The following LINGO2 variants were observed in gnomAD, a reference collection of about 807,000 sequenced individuals.
LINGO2 encodes the protein leucine rich repeat and Ig domain containing 2, also known as leucine-rich repeat and immunoglobulin-like domain-containing nogo receptor-interacting protein 2.
In LINGO2, 14 loss-of-function variants were observed where a neutral mutation model predicts 30.6. That is an observed-to-expected ratio of 0.46 (90% CI 0.30 to 0.72). LINGO2 has a LOEUF of 0.72. LINGO2 is among the 30% of genes least tolerant of loss of function. LINGO2 has a pLI of 0.07. For missense variants in LINGO2, 729 were observed against 751.7 expected (o/e 0.97, Z 0.35); for synonymous variants, 317 against 288.5 (o/e 1.10, Z -1.00).
chr9:27,999,189 C>A lies in LINGO2; in HGVS notation c.-36+13166G>T, dbSNP rs190245680. On this transcript the variant is annotated intron_variant, in intron 5 of 5. Transcript: ENST00000379992. ...TAAAAATGAAAAAGCAAAAAAAAAC[C>A]CAACACTGCCAACAACAACAACATA... Among the ~76,000 whole-genome samples the A allele has an allele frequency of 2.2e-4, 33 of 151,992 alleles. No homozygotes were observed. The East Asian group carries it at 4.1e-3, about 19-fold the overall frequency.
chr9:27,994,343 G>A lies in LINGO2; in HGVS notation c.-36+18012C>T, dbSNP rs569802715. Among the ~76,000 whole-genome samples the A allele has an allele frequency of 4.6e-5, 7 of 152,088 alleles. No homozygotes were observed. In the East Asian group the frequency reaches 5.8e-4, roughly 13 times the overall value. On this transcript the variant is annotated intron_variant, in intron 5 of 5. Coordinates refer to ENST00000379992, the Ensembl canonical transcript of LINGO2. ...TGAAACTAAAAAAAAGGAAAATTTCGTTTTTAAAAAAAGTTAAACAAATTG... is the reference window on the plus strand; with the variant it reads ...TGAAACTAAAAAAAAGGAAAATTTCATTTTTAAAAAAAGTTAAACAAATTG...
chr9:28,582,379 G>T (rs780762970), intron 1 of LINGO2, among the ~76,000 whole-genome samples: 7 of 152,074 alleles, frequency 4.6e-5, no homozygotes, highest in Non-Finnish European at 2.9e-5. Context: ...AATCAGGACA[G>T]TCTCACTCCA....
chr9:28,358,979 T>C (rs954187318), intron 3 of LINGO2, among the ~76,000 whole-genome samples: 2 of 152,154 alleles, frequency 1.3e-5, no homozygotes, highest in African/African-American at 4.8e-5. Flanking sequence ...CAAGGCTTGA[T>C]AATTCCAGAT....
At chr9:28,486,247 T>C (rs934269438) in intron 1 of LINGO2, among the ~76,000 whole-genome samples, 31 of 152,280 alleles carry the variant, frequency 2.0e-4, no homozygotes, top group African/African-American at 7.2e-4. Flanking sequence ...AATTATTTTC[T>C]TGATGACAAC....
chr9:29,131,374 C>A, the LINGO2 span, among the ~76,000 whole-genome samples: 3 of 152,086 alleles, frequency 2.0e-5, no homozygotes, highest in South Asian at 4.1e-4. Context: ...TTATTAAGAT[C>A]TTTAAATTTA....
At chr9:28,178,079 G>A (rs1167735189) in intron 4 of LINGO2, among the ~76,000 whole-genome samples, 9 of 151,996 alleles carry the variant, frequency 5.9e-5, no homozygotes, top group African/African-American at 2.2e-4. Context: ...GAGCTATGAA[G>A]CCTACTATCG....
chr9:28,407,324 T>C (rs1004169315), intron 2 of LINGO2, among the ~76,000 whole-genome samples: 4 of 152,038 alleles, frequency 2.6e-5, no homozygotes, highest in East Asian at 1.9e-4. Context: ...AAATCACTTA[T>C]GATATGGAAA....
intron 1 of LINGO2, among the ~76,000 whole-genome samples, chr9:28,641,107 C>T (rs186307132): frequency 2.6e-5 from 4 of 152,094 alleles, no homozygotes; most frequent in Non-Finnish European, 5.9e-5. Flanking sequence ...AATCTCGGCT[C>T]ACTGCAAGCT....
chr9:28,187,505 AAAGAC>A (rs1398453648), intron 4 of LINGO2, among the ~76,000 whole-genome samples: 1 of 152,074 alleles, frequency 6.6e-6, no homozygotes, highest in Non-Finnish European at 1.5e-5. Flanking sequence ...AAAAAAAAAA[AAAGAC>A]AGAGGATTCA....
At chr9:28,964,383 T>A in the LINGO2 span, among the ~76,000 whole-genome samples, 4 of 151,704 alleles carry the variant, frequency 2.6e-5, no homozygotes, top group Non-Finnish European at 4.4e-5. Context: ...AGTAGCTGAT[T>A]AAGAAAAAAA....
At chr9:28,790,352 G>A in the LINGO2 span, among the ~76,000 whole-genome samples, 5 of 80,154 alleles carry the variant, frequency 6.2e-5, no homozygotes, top group South Asian at 5.0e-4. Flanking sequence ...TTTTTGAGAC[G>A]GAATCTCGCT....
At chr9:28,221,999 T>C (rs1820982872) in intron 4 of LINGO2, among the ~76,000 whole-genome samples, 1 of 152,200 alleles carries the variant, frequency 6.6e-6, no homozygotes, top group African/African-American at 2.4e-5. Flanking sequence ...ATTTGTATTA[T>C]CTTTTGTGAG....
intron 4 of LINGO2, among the ~76,000 whole-genome samples, chr9:28,022,408 CTCT>C (rs1183076580): frequency 3.9e-5 from 6 of 152,000 alleles, no homozygotes; most frequent in African/African-American, 9.7e-5. Context: ...TTCTGTTACA[CTCT>C]TCTTAATATA....
chr9:28,809,789 C>G, the LINGO2 span, among the ~76,000 whole-genome samples: 4 of 151,742 alleles, frequency 2.6e-5, no homozygotes, highest in Admixed American at 6.6e-5. Context: ...GTCATTTGCC[C>G]CTTAATTTCA....
At chr9:28,577,368 A>G (rs1216057108) in intron 1 of LINGO2, among the ~76,000 whole-genome samples, 1 of 152,120 alleles carries the variant, frequency 6.6e-6, no homozygotes, top group African/African-American at 2.4e-5. Flanking sequence ...CCAAGACTCA[A>G]GACCCGACCA....
At chr9:28,290,363 G>A (rs1346959041) in intron 4 of LINGO2, among the ~76,000 whole-genome samples, 1 of 152,128 alleles carries the variant, frequency 6.6e-6, no homozygotes, top group African/African-American at 2.4e-5. Flanking sequence ...CCATTGCAGT[G>A]CACTCGGCAA....
chr9:29,202,752 G>A, the LINGO2 span, among the ~76,000 whole-genome samples: 1 of 151,958 alleles, frequency 6.6e-6, no homozygotes, highest in Non-Finnish European at 1.5e-5. Flanking sequence ...GGGTCAGCTA[G>A]TAATACTTTT....
intron 3 of LINGO2, among the ~76,000 whole-genome samples, chr9:28,307,975 G>A (rs1036703502): frequency 1.3e-5 from 2 of 151,882 alleles, no homozygotes; most frequent in African/African-American, 4.8e-5. Flanking sequence ...TGGGTAGGAA[G>A]AATCAATATC....
intron 1 of LINGO2, among the ~76,000 whole-genome samples, chr9:28,658,598 A>AT (rs1261098234): frequency 6.6e-6 from 1 of 152,036 alleles, no homozygotes; most frequent in Admixed American, 6.6e-5. Context: ...AATAGCTTTC[A>AT]TTTTCAATCT....
Sources: gnomAD v4.1 joint callset for allele counts (sites outside exome capture counted in the v4.1 genomes callset) on GRCh38, gnomAD v4.1.1 for gene constraint, MANE v1.5 for transcripts, NCBI Gene and HGNC (gene_info 2026-07-23, HGNC 2026-07-21) for gene names.